The following TLE1 variants were observed in gnomAD, a reference collection of about 807,000 sequenced individuals.
TLE1 encodes TLE family member 1, transcriptional corepressor.
A neutral mutation model predicts 89.8 loss-of-function variants in TLE1; 21 were observed. That is an observed-to-expected ratio of 0.23 (90% CI 0.17 to 0.34). The LOEUF is 0.34. Ranked by LOEUF, TLE1 falls within the 10% of genes least tolerant of loss-of-function variation. TLE1 has a pLI of 1.00. For missense variants in TLE1, 795 were observed against 1,031.2 expected, an observed-to-expected ratio of 0.77 and a Z score of 3.14; for synonymous variants, 447 against 407.6, an observed-to-expected ratio of 1.10 and a Z score of -1.16.
At chr9:81,596,650 C>A (rs148338730) in intron 14 of TLE1, among the ~76,000 whole-genome samples, 99 of 152,206 alleles carry the variant, frequency 6.5e-4, no homozygotes, top group African/African-American at 2.3e-3. Flanking sequence ...ATCGCTCACA[C>A]CTGAATTCAG....
chr9:81,634,224 A>C lies in TLE1; in HGVS notation c.450T>G (p.Leu150=). ...CGAGGGGCGGGATTCCAGGAGGCTG[A>C]AGTCCCGAAGGGTGAGGCGTAAGGG... ...PVPLTPHPSG[L]QPPGIPPLGG... The change falls in exon 7 of 20, where the codon CTT becomes CTG. Residue 150 remains leucine (L), a synonymous_variant. Transcript: ENST00000376499. 1 of 1,589,006 alleles carries C rather than the reference A, an allele frequency of 6.3e-7. No homozygotes were observed. Among genetic ancestry groups the C allele is most frequent in the Non-Finnish European group, 8.6e-7 (1 of 1,165,900 alleles).
chr9:81,592,911 C>G, intron 15 of TLE1, 114 bp downstream of exon 15: 1 of 1,402,506 alleles, frequency 7.1e-7, no homozygotes, highest in East Asian at 2.4e-5. Flanking sequence ...ACACAGGAAA[C>G]AGAAGGGGCT....
intron 14 of TLE1, 83 bp from the exon 15 acceptor site, chr9:81,593,357 T>A: frequency 7.0e-7 from 1 of 1,429,754 alleles, no homozygotes; most frequent in Non-Finnish European, 9.3e-7. Flanking sequence ...GCTACGACTA[T>A]GAAAAAGATG....
At chr9:81,594,582 C>CACT (rs1829968155) in intron 14 of TLE1, among the ~76,000 whole-genome samples, 3 of 151,896 alleles carry the variant, frequency 2.0e-5, no homozygotes, top group Non-Finnish European at 4.4e-5. Flanking sequence ...CTTTGAAGAC[C>CACT]ACTACTTCCA....
chr9:81,640,112 T>C (rs1451986781), intron 6 of TLE1, among the ~76,000 whole-genome samples: 1 of 152,044 alleles, frequency 6.6e-6, no homozygotes, highest in Admixed American at 6.5e-5. Context: ...CATCCTACAA[T>C]GCACAGGACA....
At chr9:81,674,583 C>G (rs1421116793) in intron 4 of TLE1, among the ~76,000 whole-genome samples, 2 of 152,176 alleles carry the variant, frequency 1.3e-5, no homozygotes, top group African/African-American at 2.4e-5. Flanking sequence ...TATTTTCTTA[C>G]CTATCGTTGC....
chr9:81,681,510 A>G (rs907250033), intron 4 of TLE1, among the ~76,000 whole-genome samples: 4 of 151,476 alleles, frequency 2.6e-5, no homozygotes, highest in Non-Finnish European at 5.9e-5. Flanking sequence ...AGACTGTGCC[A>G]CCACACTCCA....
intron 17 of TLE1, among the ~76,000 whole-genome samples, chr9:81,586,207 CG>C (rs1828420878): frequency 6.6e-6 from 1 of 152,138 alleles, no homozygotes; most frequent in South Asian, 2.1e-4. Context: ...TTAGTAAAGA[CG>C]GGGTTTCACC....
At chr9:81,610,176 A>T (rs769316255) in intron 14 of TLE1, 44 bp downstream of exon 14, 95 of 1,546,230 alleles carry the variant, frequency 6.1e-5, no homozygotes, top group Non-Finnish European at 7.9e-5. Context: ...CCAATGACTG[A>T]GTAACCACCT....
chr9:81,687,204 G>T, intron 2 of TLE1, 130 bp downstream of exon 2: 1 of 676,954 alleles, frequency 1.5e-6, no homozygotes. Flanking sequence ...TTGAATGACA[G>T]GTCTTAACTG....
chr9:81,685,091 T>C (rs1028347875), intron 4 of TLE1, among the ~76,000 whole-genome samples: 3 of 152,172 alleles, frequency 2.0e-5, no homozygotes, highest in East Asian at 1.9e-4. Flanking sequence ...TCCCAACATA[T>C]GCTCTGGCCA....
chr9:81,652,184 T>C (rs1829642671), intron 6 of TLE1, 30 bp downstream of exon 6: 1 of 1,608,608 alleles, frequency 6.2e-7, no homozygotes, highest in Non-Finnish European at 8.5e-7. Context: ...TTATACACAC[T>C]GTAGGAGGTA....
chr9:81,605,813 A>C (rs572261909), intron 14 of TLE1, among the ~76,000 whole-genome samples: 4 of 152,244 alleles, frequency 2.6e-5, no homozygotes, highest in Admixed American at 6.5e-5. Context: ...AAAAAAAAAA[A>C]AACTACCATT....
At chr9:81,674,467 C>T (rs1832636380) in intron 4 of TLE1, among the ~76,000 whole-genome samples, 2 of 152,092 alleles carry the variant, frequency 1.3e-5, no homozygotes, top group South Asian at 4.1e-4. Flanking sequence ...GTTTCTGGTC[C>T]TTACCCCCTT....
At chr9:81,647,108 TA>T (rs754917414) in intron 6 of TLE1, among the ~76,000 whole-genome samples, 9 of 152,264 alleles carry the variant, frequency 5.9e-5, no homozygotes, top group Middle Eastern at 3.4e-3. Context: ...TCACAGGCAT[TA>T]CTATGGGTAA....
In TLE1 at chr9:81,621,989, A is replaced by G. The variant is rs533852316; in HGVS notation, c.595-1432T>C. 2.0e-5 allele frequency among the ~76,000 whole-genome samples: 3 copies of G among 152,304 alleles called. No homozygotes were observed. In the South Asian group the frequency reaches 6.2e-4, roughly 32 times the overall value. On this transcript the variant is annotated intron_variant, in intron 8 of 19. Transcript: ENST00000376499. ...AGAAGCTCTAAGTAATGTCTTTACC[A>G]CAGTGTTTGGGGATGAAAGGTGAGC...
At chr9:81,608,919 G>A (rs1055302244) in intron 14 of TLE1, among the ~76,000 whole-genome samples, 6 of 150,552 alleles carry the variant, frequency 4.0e-5, no homozygotes, top group African/African-American at 1.2e-4. Context: ...CCTCGGCAAC[G>A]AGTGAAACTC....
At position 81,610,220 on chromosome 9, in the gene TLE1, G is replaced by A. The variant is rs201086026; in HGVS notation, c.1331C>T (p.Pro444Leu). Residue 444 changes from proline (P) to leucine (L), a missense_variant and splice_region_variant, in exon 14 of 20, where the codon CCT becomes CTT. Around this residue, in one of 4 missense-constraint regions of TLE1, gnomAD observed 468 missense variants for 509.1 expected, o/e 0.92. Transcript: ENST00000376499. ...AAACCAAGGTCTTTGAGGTACTTAC[G>A]GTTTCCCCCCAGGGATTCCTGCCAG... is the stretch of plus-strand genomic sequence containing the variant. The part of the protein sequence containing the change: ...PNLAGIPGGK[P>L]AYSFHVTADG... 5 of 1,613,478 alleles carry A rather than the reference G, an allele frequency of 3.1e-6. No individual in the cohort carries two copies. The highest frequency in any genetic ancestry group is 1.3e-5 in the African/African-American group (1 of 75,012).
chr9:81,630,951 T>G (rs1001857446), intron 8 of TLE1, among the ~76,000 whole-genome samples: 6 of 152,238 alleles, frequency 3.9e-5, no homozygotes, highest in Admixed American at 6.5e-5. Context: ...TTACAATTAG[T>G]GTAGTTTTCC....
Sources: allele counts gnomAD v4.1 joint callset (sites outside exome capture counted in the v4.1 genomes callset), GRCh38; gene constraint gnomAD v4.1.1; regional missense constraint gnomAD v4.1.1; transcripts MANE v1.5; gene names NCBI Gene and HGNC (gene_info 2026-07-23, HGNC 2026-07-21).